The following HSP90AA1 variants were observed in gnomAD, a reference collection of about 807,000 sequenced individuals.
The protein encoded by HSP90AA1 is heat shock protein HSP 90-alpha.
A neutral mutation model predicts 73.3 loss-of-function variants in HSP90AA1; 18 were observed. The observed-to-expected ratio is 0.25, with a 90% CI of 0.17 to 0.36. HSP90AA1 has a LOEUF of 0.36. Ranked by LOEUF, HSP90AA1 falls within the 10% of genes least tolerant of loss-of-function variation. The pLI is 1.00. For synonymous variants in HSP90AA1, 477 were observed against 296.9 expected (o/e 1.61, Z -6.24); for missense variants, 704 against 874.2 (o/e 0.81, Z 2.45).
At chr14:102,110,087 C>A (rs529632160) in intron 1 of HSP90AA1, among the ~76,000 whole-genome samples, 2 of 152,184 alleles carry the variant, frequency 1.3e-5, no homozygotes, top group South Asian at 4.1e-4. Context: ...GTGCCTGCCA[C>A]CACGCCTGGC....
At chr14:102,088,358 C>G (rs1278116869), upstream of HSP90AA1, among the ~76,000 whole-genome samples, 1 of 152,188 alleles carries the variant, frequency 6.6e-6, no homozygotes, top group Non-Finnish European at 1.5e-5. Flanking sequence ...TAGCCAGGCC[C>G]TCGGAATAAT....
chr14:102,086,444 C>G (rs1310508057), intron 1 of HSP90AA1, 66 bp from the exon 2 acceptor site: 3 of 1,534,118 alleles, frequency 2.0e-6, no homozygotes, highest in Non-Finnish European at 2.7e-6. Flanking sequence ...GAAATTCCAT[C>G]GCGTTCTCCA....
Position 102,082,820 on chromosome 14 carries a change from C to A in HSP90AA1, c.1755+214G>T, listed in dbSNP as rs878962788. ...TATTTTTAGTAGAGACTGAGTTTCA[C>A]CGTGTTAGCCAGGATGGTCTCGATC... On this transcript the variant is annotated intron_variant, in intron 9 of 10. Transcript: ENST00000216281. The A allele has an allele frequency of 1.4e-5, 8 of 577,304 alleles. No homozygotes were observed. In the South Asian group the frequency reaches 1.5e-4, roughly 11 times the overall value. The allele number at this position is 577,304 out of a possible 1,614,324, so 35.8% of individuals were successfully genotyped here.
rs768673744 is a variant in HSP90AA1, at chr14:102,084,906, C to T, written c.756G>A (p.Ser252=). ...CATCTTCAATTTCAGGTTTGTCTTC[C>T]GACTCTTTCTCTTCTTTTTCTTTTT... ...EEEKEKEEKE[S]EDKPEIEDVG... is the part of the protein sequence containing the mutation. Residue 252 remains serine, a synonymous_variant, in exon 5 of 11, where the codon TCG becomes TCA. Coordinates refer to ENST00000216281, the MANE Select transcript of HSP90AA1 (RefSeq NM_005348.4). 1.5e-5 allele frequency: 23 copies of T among 1,574,586 alleles called. No homozygotes were observed. Among genetic ancestry groups the T allele is most frequent in the Middle Eastern group, 1.7e-4 (1 of 6,006 alleles).
intron 1 of HSP90AA1, among the ~76,000 whole-genome samples, chr14:102,127,728 T>C (rs1404681350): frequency 6.6e-6 from 1 of 152,146 alleles, no homozygotes; most frequent in Non-Finnish European, 1.5e-5. Flanking sequence ...CACAGCTCAC[T>C]GCAGCCTCAA....
At chr14:102,107,853 T>A (rs1370951240) in intron 1 of HSP90AA1, among the ~76,000 whole-genome samples, 1 of 151,998 alleles carries the variant, frequency 6.6e-6, no homozygotes, top group Non-Finnish European at 1.5e-5. Flanking sequence ...AGGGCACGTA[T>A]GAAGATGCTC....
At chr14:102,134,528 T>C (rs1455872139) in intron 1 of HSP90AA1, among the ~76,000 whole-genome samples, 4 of 152,108 alleles carry the variant, frequency 2.6e-5, no homozygotes, top group Non-Finnish European at 4.4e-5. Context: ...CTGGAGTTTG[T>C]TCCTTCTGAT....
At chr14:102,139,462 G>GCGCTCTTCCTC in exon 1 of HSP90AA1, 1 of 1,472,520 alleles carries the variant, frequency 6.8e-7, no homozygotes, top group East Asian at 2.5e-5. Context: ...CGTCGGGGTG[G>GCGCTCTTCCTC]CGCTCTTCCT....
At chr14:102,093,003 C>G (rs2152616963) in intron 2 of HSP90AA1, among the ~76,000 whole-genome samples, 1 of 152,142 alleles carries the variant, frequency 6.6e-6, no homozygotes, top group East Asian at 1.9e-4. Context: ...CCTCGGCCTC[C>G]CAAAATGCTG....
intron 9 of HSP90AA1, 77 bp from the exon 10 acceptor site, chr14:102,082,521 A>T: frequency 8.5e-7 from 1 of 1,172,344 alleles, no homozygotes; most frequent in Non-Finnish European, 1.2e-6. Flanking sequence ...AATCTGTAGA[A>T]CCCAAATTTC....
At chr14:102,090,209 G>T (rs1266280082), upstream of HSP90AA1, among the ~76,000 whole-genome samples, 1 of 152,152 alleles carries the variant, frequency 6.6e-6, no homozygotes, top group Non-Finnish European at 1.5e-5. Context: ...CATTCCCTCT[G>T]TTCTTCTCTA....
chr14:102,099,698 G>C (rs1032144139), intron 2 of HSP90AA1, among the ~76,000 whole-genome samples: 2 of 152,182 alleles, frequency 1.3e-5, no homozygotes, highest in African/African-American at 4.8e-5. Flanking sequence ...TCTGCTTTAC[G>C]AAGGCCAGTG....
chr14:102,099,621 T>C (rs1469462476), intron 2 of HSP90AA1, among the ~76,000 whole-genome samples: 1 of 152,186 alleles, frequency 6.6e-6, no homozygotes, highest in Non-Finnish European at 1.5e-5. Flanking sequence ...CATTCAATCT[T>C]GTTCCCCACA....
chr14:102,082,430 G>C lies in HSP90AA1; in HGVS notation c.1770C>G (p.Asn590Lys). The change falls in exon 10 of 11, where the codon AAC (asparagine) becomes AAG (lysine). Residue 590 changes from asparagine (N) to lysine (K), a missense_variant. By Grantham distance (94) the Asn-to-Lys change is moderately conservative (BLOSUM62 0). Coordinates refer to ENST00000216281, the MANE Select transcript of HSP90AA1 (RefSeq NM_005348.4). ...EKKVEKVVVS[N>K]RLVTSPCCIV... ...TACAGCATGGAGATGTCACCAATCGGTTTGACACAACCACCTGTAATCAAA... is the reference window on the plus strand; with the variant it reads ...TACAGCATGGAGATGTCACCAATCGCTTTGACACAACCACCTGTAATCAAA... 1.2e-6 allele frequency: 2 copies of C among 1,611,940 alleles called. No individual in the cohort carries two copies. Among genetic ancestry groups the C allele is most frequent in the South Asian group, 1.1e-5 (1 of 91,070 alleles).
chr14:102,117,729 T>C (rs991079886), intron 1 of HSP90AA1, among the ~76,000 whole-genome samples: 1 of 152,116 alleles, frequency 6.6e-6, no homozygotes, highest in Non-Finnish European at 1.5e-5. Flanking sequence ...CTAAAAGAAC[T>C]GTAACACAAA....
intron 1 of HSP90AA1, among the ~76,000 whole-genome samples, chr14:102,103,275 T>C (rs2049520132): frequency 1.4e-5 from 2 of 146,860 alleles, no homozygotes; most frequent in African/African-American, 5.1e-5. Flanking sequence ...AGTGGCATGA[T>C]CATGATTCAC....
chr14:102,091,487 G>A (rs1396470212), upstream of HSP90AA1, among the ~76,000 whole-genome samples: 2 of 152,036 alleles, frequency 1.3e-5, no homozygotes. Context: ...TTAGCTGGGT[G>A]TGGCAGCACA....
chr14:102,114,411 T>G (rs1051311417), intron 1 of HSP90AA1, among the ~76,000 whole-genome samples: 1 of 152,196 alleles, frequency 6.6e-6, no homozygotes, highest in Non-Finnish European at 1.5e-5. Context: ...ATTTGGAAGA[T>G]CTGAGCACAT....
At position 102,139,382 on chromosome 14, in the gene HSP90AA1, TC is replaced by T. The variant is rs752069704; in HGVS notation, c.22del (p.Asp8ThrfsTer43). On this transcript the variant is annotated frameshift_variant, in exon 1 of 12. Transcript: ENST00000334701. LOFTEE classifies it high-confidence loss of function. The stretch of plus-strand genomic sequence containing the variant: ...GGAGGGCCCAGGAGGGGTGGAGCCG[TC>T]CCCGCCCGAACACGGGGGCATCCGC... 1 of 1,584,134 alleles carries T rather than the reference TC, an allele frequency of 6.3e-7. No individual in the cohort carries two copies. The highest frequency in any genetic ancestry group is 8.6e-7 in the Non-Finnish European group (1 of 1,165,316).
Sources: gnomAD v4.1 joint callset for allele counts (sites outside exome capture counted in the v4.1 genomes callset) on GRCh38, gnomAD v4.1.1 for gene constraint, MANE v1.5 for transcripts, NCBI Gene and HGNC (gene_info 2026-07-23, HGNC 2026-07-21) for gene names.